ARHGEF11: variants seen among roughly 807,000 people sequenced by gnomAD.
The protein encoded by ARHGEF11 is Rho guanine nucleotide exchange factor 11, also known as Rho guanine exchange factor (GEF) 11.
In ARHGEF11, 55 loss-of-function variants were observed where a neutral mutation model predicts 193.7. The ratio of observed to expected loss-of-function variants is 0.28; its 90% CI spans 0.23 to 0.36. ARHGEF11 has a LOEUF of 0.36. Among genes scored for constraint, ARHGEF11 ranks in the 10% least tolerant of loss-of-function variants. The probability of loss-of-function intolerance (pLI) is 1.00; values close to 1 mark genes in which losing one functional copy is unlikely to be tolerated. For synonymous variants in ARHGEF11, 693 were observed against 768.0 expected (o/e 0.90, Z 1.62); for missense variants, 1,723 against 2,005.6 (o/e 0.86, Z 2.69).
chr1:156,981,920 T>C (rs573962779), intron 3 of ARHGEF11, among the ~76,000 whole-genome samples: 16 of 152,340 alleles, frequency 1.1e-4, no homozygotes, highest in African/African-American at 3.8e-4. Context: ...AATCTTTAAG[T>C]TGCATTCCTC....
At chr1:156,986,048 G>A (rs1453668900) in intron 2 of ARHGEF11, 34 bp downstream of exon 2, 1 of 1,563,940 alleles carries the variant, frequency 6.4e-7, no homozygotes, top group Non-Finnish European at 8.8e-7. Context: ...ACCATGCCTG[G>A]CTGTTTTTGT....
In ARHGEF11 at chr1:156,936,932, C is replaced by G. The variant is rs758878976; in HGVS notation, c.4514G>C (p.Gly1505Ala). 1 of 1,614,086 alleles carries G rather than the reference C, an allele frequency of 6.2e-7. No individual in the cohort carries two copies. The highest frequency in any genetic ancestry group is 8.5e-7 in the Non-Finnish European group (1 of 1,180,010). ...GESSGGTTPVGSFHTEAARWT... is the reference protein window; with the variant it reads ...GESSGGTTPVASFHTEAARWT... ...TCTAGCTGCTTCTGTGTGGAAACTG[C>G]CCACAGGCGTGGTGCCACCAGATGA... The change falls in exon 40 of 41, where the codon GGC (glycine) becomes GCC (alanine). Residue 1505 changes from glycine to alanine, a missense_variant. Physicochemically the swap from Gly to Ala is moderately conservative, Grantham distance 60. This residue lies in a region of ARHGEF11 where 360 missense variants were observed against 344.4 expected (regional missense o/e 1.05). Coordinates refer to ENST00000368194, the MANE Select transcript of ARHGEF11 (RefSeq NM_198236.3).
intron 31 of ARHGEF11, 29 bp from the exon 32 acceptor site, chr1:156,944,131 TC>T (rs1180114968): frequency 1.2e-6 from 2 of 1,606,108 alleles, no homozygotes; most frequent in Non-Finnish European, 1.7e-6. Context: ...GGGAAGGTGT[TC>T]CCTGGTGCCT....
chr1:156,941,733 G>A lies in ARHGEF11; in HGVS notation c.3452+131C>T. ...ATGTTCCTCCATCTGCCAGCACTTG[G>A]AGCTGTCTGCTCCCTGCTAGCATTT... On this transcript the variant is annotated intron_variant, in intron 34 of 40. Coordinates refer to ENST00000368194, the MANE Select transcript of ARHGEF11 (RefSeq NM_198236.3). The A allele has an allele frequency of 5.9e-6, 8 of 1,363,132 alleles. No individual in the cohort carries two copies. The South Asian group carries it at 1.1e-4, about 19-fold the overall frequency. 84.4% of individuals were successfully genotyped at this position (1,363,132 alleles called of 1,614,324 possible).
intron 2 of ARHGEF11, among the ~76,000 whole-genome samples, chr1:156,985,409 T>C (rs2102473858): frequency 6.6e-6 from 1 of 152,234 alleles, no homozygotes; most frequent in South Asian, 2.1e-4. Context: ...TCTGTATGAG[T>C]GTACATCTCT....
chr1:157,039,717 C>A (rs1672498807), intron 1 of ARHGEF11, among the ~76,000 whole-genome samples: 1 of 152,044 alleles, frequency 6.6e-6, no homozygotes, highest in South Asian at 2.1e-4. Flanking sequence ...AATAATAAAC[C>A]AATAAAAATG....
chr1:156,972,994 G>A (rs1662714861), intron 7 of ARHGEF11, among the ~76,000 whole-genome samples: 1 of 152,102 alleles, frequency 6.6e-6, no homozygotes, highest in African/African-American at 2.4e-5. Flanking sequence ...CATTTCTGAT[G>A]ATTCTTCAAG....
At chr1:156,976,782 ATTCAC>A (rs1349740619) in intron 7 of ARHGEF11, among the ~76,000 whole-genome samples, 196 bp downstream of exon 7, 1 of 152,158 alleles carries the variant, frequency 6.6e-6, no homozygotes, top group African/African-American at 2.4e-5. Context: ...GGAGAATCCT[ATTCAC>A]TTTATTGGTG....
At chr1:157,035,654 A>C (rs1671827759) in intron 1 of ARHGEF11, among the ~76,000 whole-genome samples, 1 of 151,290 alleles carries the variant, frequency 6.6e-6, no homozygotes, top group Non-Finnish European at 1.5e-5. Flanking sequence ...CTAGTTAGTC[A>C]CTCAGCTGGG....
At chr1:156,955,603 C>A in intron 20 of ARHGEF11, 100 bp downstream of exon 20, 2 of 937,888 alleles carry the variant, frequency 2.1e-6, no homozygotes, top group Non-Finnish European at 3.4e-6. Flanking sequence ...CCTGTGGCTC[C>A]CAGAAACACA....
Position 156,944,448 on chromosome 1 carries a change from CCATTCATT to C in ARHGEF11, c.2992-23_2992-16del, listed in dbSNP as rs5778015. ...AGATCCAGGCTCTGTTAAGGAGACA[CCATTCATT>C]CATTCATTCATTCATTCATTCATTC... On this transcript the variant is annotated splice_polypyrimidine_tract_variant and intron_variant, in intron 30 of 40. Coordinates refer to ENST00000368194, the MANE Select transcript of ARHGEF11 (RefSeq NM_198236.3). 308,540 of 1,499,756 alleles carry C rather than the reference CCATTCATT, an allele frequency of 0.21. 33,509 individuals carry two copies. The highest frequency in any genetic ancestry group is 0.42 in the East Asian group (18,188 of 43,774). 92.9% of individuals were successfully genotyped at this position (1,499,756 alleles called of 1,614,324 possible).
intron 1 of ARHGEF11, among the ~76,000 whole-genome samples, chr1:157,014,874 T>C (rs1261535332): frequency 6.6e-6 from 1 of 152,164 alleles, no homozygotes; most frequent in Non-Finnish European, 1.5e-5. Context: ...TAGGAGACAG[T>C]GCGTACTCTC....
At chr1:157,045,922 C>T (rs1484703958), upstream of ARHGEF11, among the ~76,000 whole-genome samples, 1 of 150,926 alleles carries the variant, frequency 6.6e-6, no homozygotes, top group East Asian at 1.9e-4. Context: ...CGCTGCCCGC[C>T]GCCCGCCGGC....
chr1:156,957,703 CCT>C, intron 18 of ARHGEF11, 87 bp downstream of exon 18: 1 of 1,395,006 alleles, frequency 7.2e-7, no homozygotes, highest in African/African-American at 1.4e-5. Context: ...GAGGGACTCC[CCT>C]GTGATTGTCA....
In ARHGEF11 at chr1:157,044,642, T is replaced by C. The variant is rs1673149907; in HGVS notation, c.-312A>G. On this transcript the variant is annotated 5_prime_UTR_variant, in exon 1 of 41. Transcript: ENST00000368194. ...GAAACCAAAAACCCAGCCACGAATC[T>C]CTTCAAGGTTAGCACTATGGCCAAA... 1 of 485,494 alleles carries C rather than the reference T, an allele frequency of 2.1e-6. No homozygotes were observed. Among genetic ancestry groups the C allele is most frequent in the Non-Finnish European group, 3.6e-6 (1 of 276,348 alleles). The allele number at this position is 485,494 out of a possible 1,614,324, so 30.1% of individuals were successfully genotyped here. A position where few individuals can be genotyped will look rare whatever the true frequency, so the allele number is the denominator to read the frequency against.
Position 156,946,754 on chromosome 1 carries a change from C to T in ARHGEF11, c.2602G>A (p.Val868Met). 6.2e-7 allele frequency: 1 copy of T among 1,614,230 alleles called. No homozygotes were observed. Among genetic ancestry groups the T allele is most frequent in the Non-Finnish European group, 8.5e-7 (1 of 1,180,036 alleles). Residue 868 changes from valine to methionine, a missense_variant, in exon 28 of 41, where the codon GTG (valine) becomes ATG (methionine). Physicochemically the swap from Val to Met is conservative, Grantham distance 21. Around this residue, in one of 5 missense-constraint regions of ARHGEF11, gnomAD observed 491 missense variants for 654.5 expected, o/e 0.75. Coordinates refer to ENST00000368194, the MANE Select transcript of ARHGEF11 (RefSeq NM_198236.3). ...TGATAGGAACAGAACTGTGCAGCCACTTGCTGGAGTTCCTCTCGGGCAGGG... is the reference window on the plus strand; with the variant it reads ...TGATAGGAACAGAACTGTGCAGCCATTTGCTGGAGTTCCTCTCGGGCAGGG... Reference protein sequence around the residue: ...DGPAREELQQVAAQFCSYQSI... With the variant: ...DGPAREELQQMAAQFCSYQSI...
intron 30 of ARHGEF11, among the ~76,000 whole-genome samples, chr1:156,944,663 C>A (rs1454078449): frequency 6.6e-6 from 1 of 152,188 alleles, no homozygotes; most frequent in Admixed American, 6.5e-5. Flanking sequence ...GGGTCTCCCA[C>A]CTGCCCCTAC....
At chr1:156,947,666 G>GC (rs34590126) in intron 25 of ARHGEF11, 103 bp downstream of exon 25, 4 of 1,463,756 alleles carry the variant, frequency 2.7e-6, no homozygotes, top group Non-Finnish European at 3.7e-6. Flanking sequence ...GCACACAGGG[G>GC]CCCCCCACCC....
intron 1 of ARHGEF11, among the ~76,000 whole-genome samples, chr1:157,018,345 T>C (rs74229812): frequency 2.8e-4 from 42 of 152,110 alleles, no homozygotes; most frequent in Middle Eastern, 3.4e-3. Context: ...AAAATCTATA[T>C]AGAAATGAAA....
Sources: gnomAD v4.1 joint callset for allele counts (sites outside exome capture counted in the v4.1 genomes callset) on GRCh38, gnomAD v4.1.1 for gene constraint, gnomAD v4.1.1 regional missense constraint, MANE v1.5 for transcripts, NCBI Gene and HGNC (gene_info 2026-07-23, HGNC 2026-07-21) for gene names.